COL25A1: variants seen among roughly 807,000 people sequenced by gnomAD.
The protein encoded by COL25A1 is collagen alpha-1(XXV) chain.
A neutral mutation model predicts 128.4 loss-of-function variants in COL25A1; 103 were observed. That is an observed-to-expected ratio of 0.80 (90% CI 0.68 to 0.94). COL25A1 has a LOEUF of 0.94. Among genes scored for constraint, COL25A1 ranks in the 40% least tolerant of loss-of-function variants. The pLI, the probability that COL25A1 is intolerant of heterozygous loss-of-function variation, is 0.00. For missense variants in COL25A1, 745 were observed against 840.0 expected, an observed-to-expected ratio of 0.89 and a Z score of 1.40; for synonymous variants, 279 against 277.2, an observed-to-expected ratio of 1.01 and a Z score of -0.06.
intron 5 of COL25A1, among the ~76,000 whole-genome samples, chr4:109,038,286 C>T (rs1186455666): frequency 6.6e-6 from 1 of 152,172 alleles, no homozygotes; most frequent in Non-Finnish European, 1.5e-5. Context: ...TTCATCCAAT[C>T]ATTTGAAGGC....
At chr4:108,956,367 T>C (rs1190335066) in intron 8 of COL25A1, among the ~76,000 whole-genome samples, 1 of 152,116 alleles carries the variant, frequency 6.6e-6, no homozygotes, top group African/African-American at 2.4e-5. Context: ...AGTCACACAG[T>C]TCAGGACCTC....
At chr4:109,114,570 C>G (rs1437119416) in intron 3 of COL25A1, among the ~76,000 whole-genome samples, 1 of 152,014 alleles carries the variant, frequency 6.6e-6, no homozygotes, top group East Asian at 1.9e-4. Context: ...ATGTGAAAGT[C>G]ATGAAGACGT....
At chr4:109,193,637 T>G in intron 3 of COL25A1, among the ~76,000 whole-genome samples, 1 of 152,130 alleles carries the variant, frequency 6.6e-6, no homozygotes. Flanking sequence ...CACCTCTTCT[T>G]TTAGTTTGTT....
intron 3 of COL25A1, among the ~76,000 whole-genome samples, chr4:109,249,930 A>C (rs1311632498): frequency 6.6e-6 from 1 of 152,206 alleles, no homozygotes; most frequent in Admixed American, 6.5e-5. Context: ...AATGAGAGAA[A>C]TCTTAACATG....
intron 3 of COL25A1, among the ~76,000 whole-genome samples, chr4:109,118,936 A>G (rs1767861332): frequency 6.6e-6 from 1 of 151,992 alleles, no homozygotes; most frequent in Admixed American, 6.6e-5. Flanking sequence ...ATTTCACATG[A>G]AACATTCACC....
chr4:108,839,128 G>C (rs983884916), intron 31 of COL25A1, among the ~76,000 whole-genome samples: 7 of 152,142 alleles, frequency 4.6e-5, no homozygotes, highest in Non-Finnish European at 1.0e-4. Flanking sequence ...AACCTAGGCA[G>C]TATTTACTCA....
At chr4:109,091,343 C>T (rs969740667) in intron 3 of COL25A1, among the ~76,000 whole-genome samples, 1 of 152,212 alleles carries the variant, frequency 6.6e-6, no homozygotes, top group African/African-American at 2.4e-5. Context: ...ATTACTATTT[C>T]AGATGCAACT....
chr4:108,922,401 C>T (rs188584432), intron 11 of COL25A1, among the ~76,000 whole-genome samples: 13 of 151,976 alleles, frequency 8.6e-5, no homozygotes, highest in Non-Finnish European at 1.3e-4. Flanking sequence ...GTATTTAGAC[C>T]GAGAATGTGT....
intron 5 of COL25A1, among the ~76,000 whole-genome samples, chr4:109,031,663 T>C (rs1758880006): frequency 1.3e-5 from 2 of 152,102 alleles, no homozygotes; most frequent in South Asian, 4.1e-4. Context: ...GAAAATGACA[T>C]CTCATTTTGA....
chr4:108,940,957 T>A (rs1748014196), intron 9 of COL25A1, among the ~76,000 whole-genome samples: 1 of 152,180 alleles, frequency 6.6e-6, no homozygotes, highest in Non-Finnish European at 1.5e-5. Context: ...ACTTTATCCA[T>A]AACAACACTG....
chr4:109,171,389 T>A (rs567949487), intron 3 of COL25A1, among the ~76,000 whole-genome samples: 1 of 152,280 alleles, frequency 6.6e-6, no homozygotes, highest in East Asian at 1.9e-4. Flanking sequence ...CTTTCAGAGA[T>A]AATTAGGTCA....
intron 3 of COL25A1, among the ~76,000 whole-genome samples, chr4:109,229,730 G>A (rs1297460577): frequency 2.0e-5 from 3 of 152,072 alleles, no homozygotes; most frequent in Admixed American, 6.5e-5. Context: ...TTAGAGTGTT[G>A]GGCAACTCAA....
intron 3 of COL25A1, among the ~76,000 whole-genome samples, chr4:109,165,116 T>C (rs1772942750): frequency 6.6e-6 from 1 of 152,148 alleles, no homozygotes; most frequent in Admixed American, 6.5e-5. Flanking sequence ...ATTCTCTGAG[T>C]TATCAGAAAT....
At chr4:109,031,100 C>T (rs1395018629) in intron 5 of COL25A1, among the ~76,000 whole-genome samples, 3 of 151,960 alleles carry the variant, frequency 2.0e-5, no homozygotes, top group Non-Finnish European at 2.9e-5. Flanking sequence ...TCTTATGCCA[C>T]ACAACTTTCA....
At chr4:108,933,735 GGAA>G (rs1747043444) in intron 11 of COL25A1, among the ~76,000 whole-genome samples, 1 of 151,938 alleles carries the variant, frequency 6.6e-6, no homozygotes, top group African/African-American at 2.4e-5. Flanking sequence ...AGGTAGAACA[GGAA>G]TTATTACCTA....
intron 6 of COL25A1, among the ~76,000 whole-genome samples, chr4:109,004,263 A>G (rs1237558443): frequency 2.0e-5 from 3 of 152,178 alleles, no homozygotes; most frequent in Non-Finnish European, 4.4e-5. Flanking sequence ...CGCTGTCTTC[A>G]GCTTTAGGAA....
chr4:108,871,215 C>A (rs954295506), intron 19 of COL25A1, among the ~76,000 whole-genome samples: 1 of 152,054 alleles, frequency 6.6e-6, no homozygotes, highest in Admixed American at 6.5e-5. Context: ...ATCGATAGTT[C>A]TTTGAAACAG....
At chr4:108,828,850 T>C (rs1167881924) in intron 32 of COL25A1, among the ~76,000 whole-genome samples, 1 of 152,208 alleles carries the variant, frequency 6.6e-6, no homozygotes, top group Non-Finnish European at 1.5e-5. Context: ...TAACAGTGCC[T>C]GCAGAGCCAC....
intron 3 of COL25A1, among the ~76,000 whole-genome samples, chr4:109,093,094 AG>A (rs1385526379): frequency 6.6e-6 from 1 of 152,142 alleles, no homozygotes; most frequent in Non-Finnish European, 1.5e-5. Context: ...ACTCCAGGCC[AG>A]AACAAAACAA....
Sources: gnomAD v4.1 joint callset for allele counts (sites outside exome capture counted in the v4.1 genomes callset) on GRCh38, gnomAD v4.1.1 for gene constraint, MANE v1.5 for transcripts, NCBI Gene and HGNC (gene_info 2026-07-23, HGNC 2026-07-21) for gene names.